The following KCNIP4 variants were observed in gnomAD, a reference collection of about 807,000 sequenced individuals.
KCNIP4 encodes Kv channel-interacting protein 4.
Under a neutral mutation model 34.0 loss-of-function variants are expected in KCNIP4, and 12 were observed. That is an observed-to-expected ratio of 0.35 (90% CI 0.23 to 0.57). The LOEUF is 0.57. Among genes scored for constraint, KCNIP4 ranks in the 20% least tolerant of loss-of-function variants. KCNIP4 has a pLI of 0.83. For synonymous variants in KCNIP4, 124 were observed against 102.2 expected, an observed-to-expected ratio of 1.21 and a Z score of -1.29; for missense variants, 238 against 311.7, an observed-to-expected ratio of 0.76 and a Z score of 1.78.
chr4:21,460,319 A>G (rs1009706081), intron 1 of KCNIP4, among the ~76,000 whole-genome samples: 1 of 151,752 alleles, frequency 6.6e-6, no homozygotes, highest in Non-Finnish European at 1.5e-5. Flanking sequence ...TCTCAGTGCA[A>G]TTTTATTTAA....
At chr4:20,833,297 C>A (rs1314013862) in intron 3 of KCNIP4, among the ~76,000 whole-genome samples, 2 of 152,070 alleles carry the variant, frequency 1.3e-5, no homozygotes, top group Admixed American at 6.6e-5. Context: ...TCTTTGTCAT[C>A]AACTTAGTGA....
intron 1 of KCNIP4, among the ~76,000 whole-genome samples, chr4:21,895,164 T>C (rs1727314803): frequency 6.6e-6 from 1 of 152,074 alleles, no homozygotes; most frequent in East Asian, 1.9e-4. Context: ...TGCCCTAGAG[T>C]ATTTGTTTGT....
rs1251319910 is a variant in KCNIP4, at chr4:21,373,392, ATAGAG to A, written c.62-490688_62-490684del. On this transcript the variant is annotated intron_variant, in intron 1 of 8. Coordinates refer to ENST00000382152, the MANE Select transcript of KCNIP4 (RefSeq NM_025221.6). ...TAGTGAGATTTTAGAAAGTAGAGAG[ATAGAG>A]TAGACAATTTAATACAACTTTCAAC... Among the ~76,000 whole-genome samples the A allele has an allele frequency of 6.8e-5, 10 of 147,708 alleles. 3 individuals are homozygous for A. Among genetic ancestry groups the A allele is most frequent in the African/African-American group, 2.7e-4 (10 of 37,276 alleles).
intron 3 of KCNIP4, among the ~76,000 whole-genome samples, chr4:20,793,526 G>A (rs982941991): frequency 6.6e-6 from 1 of 152,068 alleles, no homozygotes; most frequent in African/African-American, 2.4e-5. Context: ...CTTTCAAGGT[G>A]TATACTTTAA....
chr4:21,142,590 G>A (rs1341352184), intron 1 of KCNIP4, among the ~76,000 whole-genome samples: 1 of 151,998 alleles, frequency 6.6e-6, no homozygotes, highest in Non-Finnish European at 1.5e-5. Context: ...GCTCCTGGAT[G>A]TGTGAGCTGT....
chr4:20,851,441 C>T lies in KCNIP4; in HGVS notation c.164-774G>A, dbSNP rs566530042. Among the ~76,000 whole-genome samples the T allele has an allele frequency of 1.4e-4, 21 of 152,172 alleles. No homozygotes were observed. In the East Asian group the frequency reaches 2.3e-3, roughly 17 times the overall value. On this transcript the variant is annotated intron_variant, in intron 2 of 8. Transcript: ENST00000382152. ...CTTTATCCAGTCTATCATTGGTGGG[C>T]GGTTAGGTTGATTCTGTGACTTTCC...
chr4:21,439,168 A>AG (rs1727223907), intron 1 of KCNIP4, among the ~76,000 whole-genome samples: 1 of 151,442 alleles, frequency 6.6e-6, no homozygotes, highest in Non-Finnish European at 1.5e-5. Flanking sequence ...TCTCAAAAAA[A>AG]AAAAAAAAAA....
chr4:21,432,147 T>A (rs1726544815), intron 1 of KCNIP4, among the ~76,000 whole-genome samples: 1 of 111,346 alleles, frequency 9.0e-6, no homozygotes, highest in Admixed American at 1.0e-4. Context: ...TACAATCTCC[T>A]AGAAGCACAC....
intron 1 of KCNIP4, among the ~76,000 whole-genome samples, chr4:21,822,449 C>T (rs1490677686): frequency 2.0e-5 from 3 of 152,106 alleles, no homozygotes; most frequent in Admixed American, 6.6e-5. Flanking sequence ...AAATGTCATC[C>T]AGGACTCCAT....
chr4:20,748,056 C>T (rs139232791), intron 5 of KCNIP4, among the ~76,000 whole-genome samples: 3 of 152,080 alleles, frequency 2.0e-5, no homozygotes, highest in South Asian at 2.1e-4. Flanking sequence ...TGCACTCTTG[C>T]AATACTTAGC....
chr4:20,945,323 C>T (rs1441657983), intron 1 of KCNIP4, among the ~76,000 whole-genome samples: 1 of 152,126 alleles, frequency 6.6e-6, no homozygotes, highest in Non-Finnish European at 1.5e-5. Flanking sequence ...AGTGACTTTC[C>T]AGAACATCCC....
At chr4:21,670,105 C>A (rs62302868) in intron 1 of KCNIP4, among the ~76,000 whole-genome samples, 3,520 of 152,010 alleles carry the variant, frequency 0.023, 46 homozygotes, top group Non-Finnish European at 0.035. Context: ...AATTAATTAT[C>A]TTCGCTTAAG....
At chr4:21,402,498 G>A (rs1488332826) in intron 1 of KCNIP4, among the ~76,000 whole-genome samples, 1 of 152,184 alleles carries the variant, frequency 6.6e-6, no homozygotes, top group Admixed American at 6.5e-5. Context: ...ATTCCCCAAG[G>A]CTTCCTTGTA....
intron 1 of KCNIP4, among the ~76,000 whole-genome samples, chr4:21,910,784 G>T (rs1432840574): frequency 2.6e-5 from 4 of 152,100 alleles, no homozygotes; most frequent in Non-Finnish European, 4.4e-5. Context: ...TTTCTCAGAA[G>T]ATTAAAAAAG....
chr4:21,668,918 T>C (rs1749244369), intron 1 of KCNIP4, among the ~76,000 whole-genome samples: 1 of 152,164 alleles, frequency 6.6e-6, no homozygotes, highest in Non-Finnish European at 1.5e-5. Context: ...ATAAAAGTTA[T>C]ACCAAATGCG....
intron 1 of KCNIP4, among the ~76,000 whole-genome samples, chr4:20,994,332 T>C (rs910868816): frequency 1.4e-4 from 21 of 152,160 alleles, no homozygotes; most frequent in Admixed American, 8.5e-4. Flanking sequence ...TCCACTTTAT[T>C]AGGAACAAAC....
intron 1 of KCNIP4, among the ~76,000 whole-genome samples, chr4:21,055,443 T>G (rs528490196): frequency 6.6e-6 from 1 of 152,276 alleles, no homozygotes; most frequent in African/African-American, 2.4e-5. Context: ...AGTTAAAAAT[T>G]TTGACTGCAG....
intron 1 of KCNIP4, among the ~76,000 whole-genome samples, chr4:21,887,293 G>A (rs781624034): frequency 6.6e-6 from 1 of 152,038 alleles, no homozygotes; most frequent in Non-Finnish European, 1.5e-5. Context: ...TTCTGGTGAG[G>A]ACTCTCTCCC....
intron 1 of KCNIP4, among the ~76,000 whole-genome samples, chr4:21,646,512 G>A (rs948964640): frequency 1.3e-4 from 20 of 152,100 alleles, no homozygotes; most frequent in East Asian, 7.7e-4. Flanking sequence ...ATAGAATAGC[G>A]CTAAACCAAA....
Sources: allele counts gnomAD v4.1 joint callset (sites outside exome capture counted in the v4.1 genomes callset), GRCh38; gene constraint gnomAD v4.1.1; transcripts MANE v1.5; gene names NCBI Gene and HGNC (gene_info 2026-07-23, HGNC 2026-07-21).